The following KHDRBS3 variants were observed in gnomAD, a reference collection of about 807,000 sequenced individuals.
KHDRBS3 encodes KH RNA binding domain containing, signal transduction associated 3, also known as KH domain-containing, RNA-binding, signal transduction-associated protein 3.
In KHDRBS3, 23 loss-of-function variants were observed where a neutral mutation model predicts 45.6. That is an observed-to-expected ratio of 0.50 (90% CI 0.36 to 0.72). The LOEUF is 0.72. KHDRBS3 is among the 30% of genes least tolerant of loss of function. KHDRBS3 has a pLI of 0.00. For missense variants in KHDRBS3, 352 were observed against 424.8 expected (o/e 0.83, Z 1.51); for synonymous variants, 162 against 156.5 (o/e 1.04, Z -0.26).
chr8:135,626,864 C>T (rs1442080424), intron 7 of KHDRBS3, among the ~76,000 whole-genome samples: 1 of 137,624 alleles, frequency 7.3e-6, no homozygotes, highest in Non-Finnish European at 1.6e-5. Flanking sequence ...ATAAGGAAAA[C>T]ATTATTCTCC....
At chr8:135,573,053 G>C (rs1312611090) in intron 5 of KHDRBS3, among the ~76,000 whole-genome samples, 2 of 152,130 alleles carry the variant, frequency 1.3e-5, no homozygotes, top group Non-Finnish European at 2.9e-5. Context: ...GGATCTCTGG[G>C]AAGGTTTTTC....
chr8:135,509,992 T>TTG (rs1824194958), intron 1 of KHDRBS3, among the ~76,000 whole-genome samples: 1 of 148,544 alleles, frequency 6.7e-6, no homozygotes, highest in South Asian at 2.1e-4. Flanking sequence ...TTTTTTTTTT[T>TTG]GCTTAAAGAC....
intron 6 of KHDRBS3, among the ~76,000 whole-genome samples, chr8:135,585,058 C>CAA (rs1357071802): frequency 8.2e-6 from 1 of 121,716 alleles, no homozygotes. Context: ...CTCATCTCTA[C>CAA]CAAAAAAAAA....
chr8:135,589,845 C>T (rs753687245), intron 6 of KHDRBS3, among the ~76,000 whole-genome samples: 16 of 152,162 alleles, frequency 1.1e-4, no homozygotes, highest in Non-Finnish European at 1.8e-4. Context: ...AATTCTGTGT[C>T]GTGCCATGTG....
intron 3 of KHDRBS3, among the ~76,000 whole-genome samples, chr8:135,543,379 TATC>T (rs1477162250): frequency 6.6e-6 from 1 of 152,188 alleles, no homozygotes; most frequent in Non-Finnish European, 1.5e-5. Flanking sequence ...AATTTTCTCA[TATC>T]ATAATGTGTG....
At chr8:135,464,035 C>CTT (rs1195853536) in intron 1 of KHDRBS3, among the ~76,000 whole-genome samples, 3 of 152,140 alleles carry the variant, frequency 2.0e-5, no homozygotes, top group African/African-American at 7.2e-5. Context: ...GCCTCTAAGG[C>CTT]TCAAAAACAC....
At chr8:135,592,345 G>A (rs989091434) in intron 6 of KHDRBS3, among the ~76,000 whole-genome samples, 7 of 152,042 alleles carry the variant, frequency 4.6e-5, no homozygotes, top group Non-Finnish European at 8.8e-5. Flanking sequence ...GGCATGGAAA[G>A]CAAGTTGTGC....
chr8:135,605,196 A>G (rs954587863), intron 6 of KHDRBS3, among the ~76,000 whole-genome samples: 1 of 152,020 alleles, frequency 6.6e-6, no homozygotes, highest in Non-Finnish European at 1.5e-5. Flanking sequence ...GGAAGTTTTC[A>G]GCCATCGTTT....
At chr8:135,536,262 T>TTTTTTTTTTTAAA (rs1491256544) in intron 2 of KHDRBS3, among the ~76,000 whole-genome samples, 1 of 98,762 alleles carries the variant, frequency 1.0e-5, no homozygotes. Context: ...TTTTTTTTTT[T>TTTTTTTTTTTAAA]ATTATTGTTT....
At chr8:135,510,450 T>C (rs1348573291) in intron 1 of KHDRBS3, among the ~76,000 whole-genome samples, 1 of 152,206 alleles carries the variant, frequency 6.6e-6, no homozygotes, top group East Asian at 1.9e-4. Flanking sequence ...TGGTGCTTTT[T>C]CTGAGACGGA....
chr8:135,625,964 G>GTATACGT, intron 7 of KHDRBS3: 1 of 790,446 alleles, frequency 1.3e-6, no homozygotes, highest in East Asian at 2.4e-5. Context: ...CTGACGTTGA[G>GTATACGT]TATACGTTCA....
intron 5 of KHDRBS3, among the ~76,000 whole-genome samples, chr8:135,562,461 A>T (rs1410737081): frequency 6.6e-6 from 1 of 152,358 alleles, no homozygotes; most frequent in African/African-American, 2.4e-5. Context: ...TGATGTTTGT[A>T]CAATGACAAA....
intron 3 of KHDRBS3, among the ~76,000 whole-genome samples, chr8:135,544,711 A>T (rs16905395): frequency 0.011 from 1,699 of 152,170 alleles, 27 homozygotes; most frequent in African/African-American, 0.036. Context: ...GGACACCCTG[A>T]TTTTACATGA....
chr8:135,620,858 A>G (rs1830110070), intron 7 of KHDRBS3, among the ~76,000 whole-genome samples: 1 of 152,098 alleles, frequency 6.6e-6, no homozygotes, highest in African/African-American at 2.4e-5. Flanking sequence ...AACCTGCTGG[A>G]CTTGAGAATC....
chr8:135,615,709 T>C (rs1178330172), intron 7 of KHDRBS3, among the ~76,000 whole-genome samples: 1 of 152,216 alleles, frequency 6.6e-6, no homozygotes, highest in East Asian at 1.9e-4. Context: ...TGATGTCAAG[T>C]TTATTTAAAG....
rs148694984 is a variant in KHDRBS3 at position 135,508,916 on chromosome 8, G to C, written c.89-12321G>C. On this transcript the variant is annotated intron_variant, in intron 1 of 8. Coordinates refer to ENST00000355849, the MANE Select transcript of KHDRBS3 (RefSeq NM_006558.3). Reference sequence around the variant, plus strand: ...AAAACTTAGCCAGTCTTTCTAGCCAGTTTCCGTAAATATTTATTTCAGAAC... The same window carrying C: ...AAAACTTAGCCAGTCTTTCTAGCCACTTTCCGTAAATATTTATTTCAGAAC... Among the ~76,000 whole-genome samples, 1,348 of 152,152 alleles carry C rather than the reference G, an allele frequency of 8.9e-3. 16 individuals carry two copies. The highest frequency in any genetic ancestry group is 0.031 in the African/African-American group (1,272 of 41,498).
intron 7 of KHDRBS3, chr8:135,626,057 T>A (rs913673061): frequency 7.0e-6 from 4 of 573,306 alleles, no homozygotes; most frequent in Non-Finnish European, 1.3e-5. Context: ...TAGGCAAGAA[T>A]GAATGTTTGC....
intron 7 of KHDRBS3, among the ~76,000 whole-genome samples, chr8:135,614,132 T>G (rs752284576): frequency 3.2e-4 from 48 of 151,856 alleles, no homozygotes; most frequent in Non-Finnish European, 5.4e-4. Context: ...ATTTAATGAG[T>G]AACAAGATTT....
At chr8:135,495,536 G>A (rs1043608745) in intron 1 of KHDRBS3, among the ~76,000 whole-genome samples, 122 of 152,278 alleles carry the variant, frequency 8.0e-4, no homozygotes, top group African/African-American at 2.5e-3. Context: ...GTGAGAAGAC[G>A]ATATTTTCTT....
Sources: allele counts gnomAD v4.1 joint callset (sites outside exome capture counted in the v4.1 genomes callset), GRCh38; gene constraint gnomAD v4.1.1; transcripts MANE v1.5; gene names NCBI Gene and HGNC (gene_info 2026-07-23, HGNC 2026-07-21).